The following CIROZ variants were observed in gnomAD, a reference collection of about 807,000 sequenced individuals.
The protein encoded by CIROZ is ciliated left-right organizer ZP-N domains-containing protein.
At chr1:10,957,030 G>T in the CIROZ span, 2 of 1,551,064 alleles carry the variant, frequency 1.3e-6, no homozygotes, top group Non-Finnish European at 1.7e-6. Flanking sequence ...TACCCGGTGG[G>T]CAAGCAGCTT....
the CIROZ span, chr1:10,947,673 G>A: frequency 6.0e-6 from 9 of 1,502,122 alleles, 1 homozygote; most frequent in South Asian, 9.5e-5. Flanking sequence ...TCAGCGTGAG[G>A]GCCTCTCAGA....
At chr1:10,959,657 C>T in the CIROZ span, among the ~76,000 whole-genome samples, 1 of 152,314 alleles carries the variant, frequency 6.6e-6, no homozygotes, top group East Asian at 1.9e-4. The surrounding 1 kb of genome is among the most constrained non-coding windows in gnomAD (Gnocchi z 4.3). Flanking sequence ...CTCATCTTGA[C>T]AGCTCCCCAA....
At chr1:10,972,609 T>C in the CIROZ span, among the ~76,000 whole-genome samples, 1 of 152,250 alleles carries the variant, frequency 6.6e-6, no homozygotes, top group African/African-American at 2.4e-5. Context: ...GCTTAGACCC[T>C]GGATCAACCT....
chr1:10,951,730 TAAA>T, the CIROZ span, among the ~76,000 whole-genome samples: 4 of 125,348 alleles, frequency 3.2e-5, no homozygotes, highest in African/African-American at 6.6e-5. Flanking sequence ...GTCTCTTATT[TAAA>T]AAAAAAAAAA....
chr1:10,948,886 C>T, the CIROZ span: 3 of 1,462,440 alleles, frequency 2.1e-6, no homozygotes, highest in Non-Finnish European at 2.7e-6. Flanking sequence ...GCATTAGAAA[C>T]AAGAACACAT....
chr1:10,952,001 G>A, the CIROZ span, among the ~76,000 whole-genome samples: 1 of 152,072 alleles, frequency 6.6e-6, no homozygotes, highest in Non-Finnish European at 1.5e-5. Flanking sequence ...AATATTATCT[G>A]TGTAAAACTT....
At chr1:10,964,765 G>A in the CIROZ span, among the ~76,000 whole-genome samples, 1 of 152,154 alleles carries the variant, frequency 6.6e-6, no homozygotes, top group Non-Finnish European at 1.5e-5. Flanking sequence ...CAAGTAGCTG[G>A]AATTACAGGC....
the CIROZ span, among the ~76,000 whole-genome samples, chr1:10,951,576 C>T: frequency 2.0e-3 from 293 of 149,546 alleles, 1 homozygote; most frequent in African/African-American, 6.4e-3. Flanking sequence ...AGTTTAAAAA[C>T]TAGCTTGGTA....
At chr1:10,975,013 T>A in the CIROZ span, among the ~76,000 whole-genome samples, 1 of 152,182 alleles carries the variant, frequency 6.6e-6, no homozygotes, top group Non-Finnish European at 1.5e-5. Flanking sequence ...GGCTCACGCC[T>A]GTCATCCCAG....
chr1:10,979,571 G>A, the CIROZ span, among the ~76,000 whole-genome samples: 24 of 150,068 alleles, frequency 1.6e-4, no homozygotes, highest in Admixed American at 1.4e-3. Flanking sequence ...TCCACCCTTC[G>A]ACCCAGCGCT....
the CIROZ span, among the ~76,000 whole-genome samples, chr1:10,956,756 C>T: frequency 0.16 from 23,945 of 152,046 alleles, 2,458 homozygotes; most frequent in South Asian, 0.41. Context: ...GGATTACAGG[C>T]GTGAGCCACC....
chr1:10,975,275 T>TG, the CIROZ span, among the ~76,000 whole-genome samples: 6 of 151,814 alleles, frequency 4.0e-5, no homozygotes, highest in African/African-American at 1.5e-4. Context: ...GCGTGGTGGC[T>TG]CATGCCTATA....
At chr1:10,957,447 G>A in the CIROZ span, 83 of 931,920 alleles carry the variant, frequency 8.9e-5, 1 homozygote, top group African/African-American at 9.8e-4. Context: ...TCTGCAGAGC[G>A]GAGCGCTTTA....
At chr1:10,968,026 G>T in the CIROZ span, among the ~76,000 whole-genome samples, 1 of 151,822 alleles carries the variant, frequency 6.6e-6, no homozygotes, top group Non-Finnish European at 1.5e-5. Flanking sequence ...GGCGCGGTGG[G>T]GGGGCACCTG....
At chr1:10,946,910 T>A in the CIROZ span, among the ~76,000 whole-genome samples, 1 of 152,158 alleles carries the variant, frequency 6.6e-6, no homozygotes. Flanking sequence ...CCCCCAGAGA[T>A]GTCTGAACCA....
At chr1:10,964,304 G>T in the CIROZ span, 1 of 1,575,682 alleles carries the variant, frequency 6.3e-7, no homozygotes, top group South Asian at 1.2e-5. Flanking sequence ...GTATGCAAAT[G>T]AGAGAGGAAA....
the CIROZ span, among the ~76,000 whole-genome samples, chr1:10,954,473 G>A: frequency 0.091 from 9,752 of 106,602 alleles, 476 homozygotes; most frequent in East Asian, 0.29. Context: ...AAAAAGAAAA[G>A]AAAAGAAAAG....
the CIROZ span, chr1:10,964,349 C>T: frequency 8.2e-6 from 12 of 1,471,650 alleles, no homozygotes; most frequent in African/African-American, 1.5e-4. Flanking sequence ...AGGTCAGTCC[C>T]TGTTCACAGC....
chr1:10,956,613 C>G, the CIROZ span, among the ~76,000 whole-genome samples: 1 of 151,888 alleles, frequency 6.6e-6, no homozygotes, highest in Non-Finnish European at 1.5e-5. Flanking sequence ...GTAGCTAGGA[C>G]TACAGGCCCC....
Sources: gnomAD v4.1 joint callset for allele counts (sites outside exome capture counted in the v4.1 genomes callset) on GRCh38, gnomAD v4.1.1 for gene constraint, Gnocchi (gnomAD v3.1) non-coding constraint, MANE v1.5 for transcripts, NCBI Gene and HGNC (gene_info 2026-07-23, HGNC 2026-07-21) for gene names.